CLIP2: variants seen among roughly 807,000 people sequenced by gnomAD.
CLIP2 encodes CAP-Gly domain containing linker protein 2, also known as CAP-Gly domain-containing linker protein 2.
Under a neutral mutation model 111.7 loss-of-function variants are expected in CLIP2, and 41 were observed. The ratio of observed to expected loss-of-function variants is 0.37; its 90% CI spans 0.29 to 0.48. The LOEUF is 0.48. Ranked by LOEUF, CLIP2 falls within the 20% of genes least tolerant of loss-of-function variation. The pLI is 0.99. For missense variants in CLIP2, 1,160 were observed against 1,422.1 expected (o/e 0.82, Z 2.96); for synonymous variants, 660 against 644.2 (o/e 1.02, Z -0.37).
At chr7:74,305,465 C>T (rs995043549) in intron 1 of CLIP2, among the ~76,000 whole-genome samples, 11 of 152,072 alleles carry the variant, frequency 7.2e-5, no homozygotes, top group Non-Finnish European at 1.6e-4. Context: ...AGTGTCCCCT[C>T]TCTGTCCCAG....
At position 74,405,580 on chromosome 7, in the gene CLIP2, A is replaced by G. The variant is rs1554318513; in HGVS notation, c.*1732A>G. On this transcript the variant is annotated 3_prime_UTR_variant, in exon 17 of 17. Transcript: ENST00000223398. Reference sequence around the variant, plus strand: ...TTCTATTAACAGCCGTCTAGAAGCGATGCTTTAGTGGCCTAACCCAGGGTC... The same window carrying G: ...TTCTATTAACAGCCGTCTAGAAGCGGTGCTTTAGTGGCCTAACCCAGGGTC... The G allele has an allele frequency of 6.5e-6, 1 of 152,676 alleles. No individual in the cohort carries two copies. Among genetic ancestry groups the G allele is most frequent in the Non-Finnish European group, 1.5e-5 (1 of 68,076 alleles). 9.5% of individuals were successfully genotyped at this position (152,676 alleles called of 1,614,324 possible). A position where few individuals can be genotyped will look rare whatever the true frequency, so the allele number is the denominator to read the frequency against.
At position 74,398,616 on chromosome 7, in the gene CLIP2, G is replaced by A. The variant is rs115411552; in HGVS notation, c.2880+1383G>A. On this transcript the variant is annotated intron_variant, in intron 14 of 16. Transcript: ENST00000223398. Reference sequence around the variant, plus strand: ...GGGTGGTTCACAGGCTGGAGGGAGGGCCTCAGCGCCACCGACCCCCTATAT... The same window carrying A: ...GGGTGGTTCACAGGCTGGAGGGAGGACCTCAGCGCCACCGACCCCCTATAT... 7.6e-3 allele frequency among the ~76,000 whole-genome samples: 1,158 copies of A among 152,326 alleles called. 12 individuals carry two copies. Among genetic ancestry groups the A allele is most frequent in the African/African-American group, 0.026 (1,072 of 41,580 alleles).
chr7:74,383,295 C>T (rs1369616204), intron 11 of CLIP2, among the ~76,000 whole-genome samples: 4 of 151,938 alleles, frequency 2.6e-5, no homozygotes, highest in Non-Finnish European at 5.9e-5. Flanking sequence ...TCATTTTCTC[C>T]CCCCAACCCT....
At chr7:74,370,155 C>CAAAAAAAAA (rs536133070) in intron 8 of CLIP2, among the ~76,000 whole-genome samples, 61 of 32,862 alleles carry the variant, frequency 1.9e-3, no homozygotes, top group Non-Finnish European at 3.3e-3. Context: ...GACTCTGCCT[C>CAAAAAAAAA]AAAAAAAAAA....
intron 13 of CLIP2, among the ~76,000 whole-genome samples, chr7:74,392,903 A>T (rs1172003489): frequency 6.6e-6 from 1 of 152,194 alleles, no homozygotes; most frequent in Non-Finnish European, 1.5e-5. Flanking sequence ...CAGCATGGCG[A>T]TCACCCCATC....
chr7:74,309,613 T>G (rs1404545475), intron 1 of CLIP2, among the ~76,000 whole-genome samples: 1 of 150,960 alleles, frequency 6.6e-6, no homozygotes. Flanking sequence ...ATCCCAGCAC[T>G]TTGGGAGGCT....
intron 1 of CLIP2, among the ~76,000 whole-genome samples, chr7:74,312,812 C>G (rs1403330929): frequency 6.6e-6 from 1 of 152,170 alleles, no homozygotes; most frequent in African/African-American, 2.4e-5. Context: ...TGCTGTGTGC[C>G]TGGGGGCAGC....
chr7:74,354,959 G>A (rs1254188997), intron 4 of CLIP2, among the ~76,000 whole-genome samples: 1 of 152,092 alleles, frequency 6.6e-6, no homozygotes, highest in African/African-American at 2.4e-5. Flanking sequence ...ATTGACTGCT[G>A]GCGTTGCTGG....
intron 7 of CLIP2, among the ~76,000 whole-genome samples, chr7:74,361,829 A>G (rs1554309843): frequency 6.6e-6 from 1 of 152,080 alleles, no homozygotes; most frequent in African/African-American, 2.4e-5. Context: ...GGCCAGATGC[A>G]GTGGTTCATG....
chr7:74,348,978 C>T (rs528486885), intron 3 of CLIP2, among the ~76,000 whole-genome samples: 1 of 151,608 alleles, frequency 6.6e-6, no homozygotes, highest in African/African-American at 2.4e-5. Flanking sequence ...GAAACCTCGC[C>T]TATACAAGAA....
At chr7:74,339,628 TTCAG>T (rs1401379970) in intron 3 of CLIP2, among the ~76,000 whole-genome samples, 1 of 152,134 alleles carries the variant, frequency 6.6e-6, no homozygotes, top group Non-Finnish European at 1.5e-5. Flanking sequence ...TTAATCGTAC[TTCAG>T]TCATAGTTGG....
At chr7:74,293,355 C>T (rs764438871) in intron 1 of CLIP2, among the ~76,000 whole-genome samples, 2 of 152,118 alleles carry the variant, frequency 1.3e-5, no homozygotes, top group African/African-American at 4.8e-5. Flanking sequence ...CCTCTCTCAG[C>T]GCATCTGTCC....
intron 1 of CLIP2, among the ~76,000 whole-genome samples, chr7:74,308,376 G>C (rs1296910691): frequency 1.3e-5 from 2 of 152,104 alleles, no homozygotes; most frequent in African/African-American, 2.4e-5. Flanking sequence ...CTGACCAGCT[G>C]GGCTGATCAC....
Position 74,390,197 on chromosome 7 carries a change from G to GAAAGAAAGAA in CLIP2, c.2720+940_2720+949dup, listed in dbSNP as rs1791253099. On this transcript the variant is annotated intron_variant, in intron 13 of 16. Coordinates refer to ENST00000223398, the MANE Select transcript of CLIP2 (RefSeq NM_003388.5). ...AGAAAGAAAGAAAGAAAGAAAGAAA[G>GAAAGAAAGAA]AAAGAAAGAAAGAAAGAAAGAAAGA... 3.6e-5 allele frequency among the ~76,000 whole-genome samples: 5 copies of GAAAGAAAGAA among 137,356 alleles called. No homozygotes were observed. In the Admixed American group the frequency reaches 3.7e-4, roughly 10 times the overall value. 90.1% of individuals were successfully genotyped at this position (137,356 alleles called of 152,430 possible).
chr7:74,317,713 G>A, intron 2 of CLIP2, 46 bp downstream of exon 2: 1 of 1,370,736 alleles, frequency 7.3e-7, no homozygotes. Flanking sequence ...TGGCTACATG[G>A]GATGAGTGTT....
At chr7:74,357,999 C>G (rs1423449485) in intron 6 of CLIP2, among the ~76,000 whole-genome samples, 4 of 151,026 alleles carry the variant, frequency 2.6e-5, no homozygotes, top group Non-Finnish European at 4.4e-5. Context: ...TCGTGATCCA[C>G]CCGCCTTGGC....
At chr7:74,316,226 G>A (rs186231189) in intron 1 of CLIP2, among the ~76,000 whole-genome samples, 92 of 151,804 alleles carry the variant, frequency 6.1e-4, no homozygotes, top group African/African-American at 1.8e-3. Flanking sequence ...TCTATTTTAC[G>A]ACTGCATTTT....
intron 1 of CLIP2, among the ~76,000 whole-genome samples, chr7:74,306,161 G>T (rs769336785): frequency 3.0e-4 from 45 of 152,096 alleles, no homozygotes; most frequent in African/African-American, 1.1e-3. Context: ...CCAGGCTCCC[G>T]GTTACGGGTC....
chr7:74,354,647 T>G (rs1445923070), intron 4 of CLIP2, among the ~76,000 whole-genome samples: 7 of 151,996 alleles, frequency 4.6e-5, no homozygotes, highest in Non-Finnish European at 8.8e-5. Context: ...GGCATGCACC[T>G]GTAGTCCCAG....
Sources: allele counts gnomAD v4.1 joint callset (sites outside exome capture counted in the v4.1 genomes callset), GRCh38; gene constraint gnomAD v4.1.1; transcripts MANE v1.5; gene names NCBI Gene and HGNC (gene_info 2026-07-23, HGNC 2026-07-21).